The following SDK1 variants were observed in gnomAD, a reference collection of about 807,000 sequenced individuals.
SDK1 encodes protein sidekick-1.
A neutral mutation model predicts 245.5 loss-of-function variants in SDK1; 157 were observed. The ratio of observed to expected loss-of-function variants is 0.64; its 90% CI spans 0.56 to 0.73. SDK1 has a LOEUF of 0.73. SDK1 is among the 30% of genes least tolerant of loss of function. SDK1 has a pLI of 0.00. For missense variants in SDK1, 3,583 were observed against 3,002.3 expected (o/e 1.19, Z -4.52); for synonymous variants, 1,647 against 1,278.5 (o/e 1.29, Z -6.15).
chr7:3,751,681 C>T lies in SDK1; in HGVS notation c.714-69769C>T, dbSNP rs111936364. 1.1e-4 allele frequency among the ~76,000 whole-genome samples: 16 copies of T among 152,256 alleles called. 1 individual carries two copies. Among genetic ancestry groups the T allele is most frequent in the South Asian group, 4.2e-4 (2 of 4,818 alleles). ...TTTAGCCTTTCAGGGACTGCAGTACCGAGCTCTGTGATCCAGCACAGCTGA... is the reference window on the plus strand; with the variant it reads ...TTTAGCCTTTCAGGGACTGCAGTACTGAGCTCTGTGATCCAGCACAGCTGA... On this transcript the variant is annotated intron_variant, in intron 4 of 44. Coordinates refer to ENST00000404826, the MANE Select transcript of SDK1 (RefSeq NM_152744.4).
chr7:4,147,136 C>G (rs1407884688), intron 29 of SDK1, among the ~76,000 whole-genome samples: 1 of 152,204 alleles, frequency 6.6e-6, no homozygotes, highest in Non-Finnish European at 1.5e-5. Context: ...CTTGCAGGCA[C>G]CACTGCAGGG....
chr7:4,155,934 CG>C (rs1780704414), intron 30 of SDK1, among the ~76,000 whole-genome samples: 1 of 152,102 alleles, frequency 6.6e-6, no homozygotes, highest in Non-Finnish European at 1.5e-5. Context: ...GAACAGGGCA[CG>C]GGGGACAGCA....
chr7:3,434,264 A>G (rs1779954353), intron 1 of SDK1, among the ~76,000 whole-genome samples: 1 of 152,184 alleles, frequency 6.6e-6, no homozygotes, highest in African/African-American at 2.4e-5. Context: ...AAATTCTTCT[A>G]ATGCAGATGA....
intron 30 of SDK1, among the ~76,000 whole-genome samples, 193 bp from the exon 31 acceptor site, chr7:4,158,255 C>T (rs760391081): frequency 6.6e-6 from 1 of 152,204 alleles, no homozygotes; most frequent in Non-Finnish European, 1.5e-5. Flanking sequence ...AGCCCCTGCT[C>T]ATTGCACCTA....
In SDK1 at chr7:3,639,107, G is replaced by A. The variant is rs774307438; in HGVS notation, c.562G>A (p.Ala188Thr). 3.0e-5 allele frequency: 48 copies of A among 1,580,220 alleles called. No individual in the cohort carries two copies. The highest frequency in any genetic ancestry group is 2.4e-5 in the Non-Finnish European group (28 of 1,153,430). Reference protein sequence around the residue: ...LLQRKSEVQVAYMGSFMDTDQ... With the variant: ...LLQRKSEVQVTYMGSFMDTDQ... ...GCAAAGAAAATCAGAAGTTCAAGTCGCATGTATGTGTACAGTAAGGAGATG... is the reference window on the plus strand; with the variant it reads ...GCAAAGAAAATCAGAAGTTCAAGTCACATGTATGTGTACAGTAAGGAGATG... The change falls in exon 3 of 45, where the codon GCA (alanine) becomes ACA (threonine). Residue 188 changes from alanine (A) to threonine (T), a missense_variant. Ala to Thr is a moderately conservative substitution (Grantham distance 58). Transcript: ENST00000404826.
intron 40 of SDK1, among the ~76,000 whole-genome samples, chr7:4,230,562 G>A (rs1785695702): frequency 6.6e-6 from 1 of 151,806 alleles, no homozygotes; most frequent in Non-Finnish European, 1.5e-5. Flanking sequence ...ATGGATAGAA[G>A]GAAGGATGAA....
At chr7:4,239,192 G>T (rs1786371473) in intron 42 of SDK1, among the ~76,000 whole-genome samples, 1 of 152,194 alleles carries the variant, frequency 6.6e-6, no homozygotes, top group Admixed American at 6.6e-5. Context: ...TGAACGTAGG[G>T]TAAAGCCAGC....
At chr7:3,348,107 C>T (rs1245085274) in intron 1 of SDK1, among the ~76,000 whole-genome samples, 1 of 152,138 alleles carries the variant, frequency 6.6e-6, no homozygotes, top group East Asian at 1.9e-4. Context: ...TCTCTCACCT[C>T]TAAAGTGGGG....
chr7:4,235,117 C>T (rs1413465312), intron 41 of SDK1, among the ~76,000 whole-genome samples: 8 of 152,102 alleles, frequency 5.3e-5, no homozygotes, highest in East Asian at 1.9e-4. Context: ...CCTTGAATTC[C>T]GGGGTTGCTC....
At chr7:3,774,458 T>C (rs1036415334) in intron 4 of SDK1, among the ~76,000 whole-genome samples, 4 of 152,182 alleles carry the variant, frequency 2.6e-5, no homozygotes, top group Non-Finnish European at 5.9e-5. Context: ...TCCAGGAACA[T>C]GTGCACAGCT....
chr7:3,650,885 C>A (rs1047562060), intron 4 of SDK1, among the ~76,000 whole-genome samples: 1 of 150,122 alleles, frequency 6.7e-6, no homozygotes, highest in Non-Finnish European at 1.5e-5. Flanking sequence ...TTGTCTGAAG[C>A]CTAGTTGGTT....
chr7:3,720,356 T>C (rs1397341749), intron 4 of SDK1, among the ~76,000 whole-genome samples: 1 of 152,174 alleles, frequency 6.6e-6, no homozygotes, highest in Non-Finnish European at 1.5e-5. Flanking sequence ...TACTAGAATA[T>C]ATTGAATATA....
Position 3,431,382 on chromosome 7 carries a change from A to T in SDK1, c.298+129498A>T, listed in dbSNP as rs1297585748. ...GGTTTTTTTTTTTTTTTTTTTTTTT[A>T]AAGCAAATTCATTTTACTTAGCCAG... On this transcript the variant is annotated intron_variant, in intron 1 of 44. Coordinates refer to ENST00000404826, the MANE Select transcript of SDK1 (RefSeq NM_152744.4). Among the ~76,000 whole-genome samples, 5 of 84,442 alleles carry T rather than the reference A, an allele frequency of 5.9e-5. No homozygotes were observed. In the East Asian group the frequency reaches 7.5e-4, roughly 13 times the overall value. The allele number at this position is 84,442 out of a possible 152,430, so 55.4% of individuals were successfully genotyped here.
chr7:3,628,014 T>G (rs12538031), intron 2 of SDK1, among the ~76,000 whole-genome samples: 1 of 152,158 alleles, frequency 6.6e-6, no homozygotes, highest in Admixed American at 6.5e-5. Flanking sequence ...TATTCAAAGT[T>G]AAGGACCAAA....
intron 5 of SDK1, among the ~76,000 whole-genome samples, chr7:3,922,441 G>A (rs961940015): frequency 4.6e-5 from 7 of 152,196 alleles, no homozygotes; most frequent in Non-Finnish European, 8.8e-5. Context: ...AGGGCTGGTC[G>A]TGAGATGTTC....
At chr7:3,975,434 C>G (rs377516458) in intron 13 of SDK1, among the ~76,000 whole-genome samples, 1 of 152,098 alleles carries the variant, frequency 6.6e-6, no homozygotes, top group Admixed American at 6.5e-5. Context: ...TGGACCCTGC[C>G]CCCTTTGATC....
chr7:3,430,624 G>A (rs952318291), intron 1 of SDK1, among the ~76,000 whole-genome samples: 3 of 152,172 alleles, frequency 2.0e-5, no homozygotes, highest in Non-Finnish European at 4.4e-5. Context: ...CATCCCCTCA[G>A]TTTCAAGAGT....
At chr7:3,596,231 C>CCT (rs1781058024) in intron 1 of SDK1, among the ~76,000 whole-genome samples, 1 of 152,106 alleles carries the variant, frequency 6.6e-6, no homozygotes. Flanking sequence ...GCTCTTCCAT[C>CCT]TGGCTGGGTT....
chr7:4,193,372 T>TTATATA lies in SDK1; in HGVS notation c.5099-12486_5099-12481dup, dbSNP rs10536828. Among the ~76,000 whole-genome samples, 309 of 103,068 alleles carry TTATATA rather than the reference T, an allele frequency of 3.0e-3. 2 individuals carry two copies. The highest frequency in any genetic ancestry group is 0.011 in the African/African-American group (272 of 25,676). The allele number at this position is 103,068 out of a possible 152,430, so 67.6% of individuals were successfully genotyped here. ...AATATATTTATATATATTAAAATAT[T>TTATATA]TATATATATATATATATATATATAT... On this transcript the variant is annotated intron_variant, in intron 35 of 44. Coordinates refer to ENST00000404826, the MANE Select transcript of SDK1 (RefSeq NM_152744.4).
Sources: allele counts gnomAD v4.1 joint callset (sites outside exome capture counted in the v4.1 genomes callset), GRCh38; gene constraint gnomAD v4.1.1; transcripts MANE v1.5; gene names NCBI Gene and HGNC (gene_info 2026-07-23, HGNC 2026-07-21).